The following ANXA3 variants were observed in gnomAD, a reference collection of about 807,000 sequenced individuals.
ANXA3 encodes the protein 35-alpha calcimedin.
In ANXA3, 46 loss-of-function variants were observed where a neutral mutation model predicts 48.8. That is an observed-to-expected ratio of 0.94 (90% CI 0.74 to 1.21). ANXA3 has a LOEUF of 1.21. ANXA3 is among the 50% of genes most tolerant of loss of function. ANXA3 has a pLI of 0.00. For synonymous variants in ANXA3, 128 were observed against 134.7 expected (o/e 0.95, Z 0.35); for missense variants, 383 against 378.6 (o/e 1.01, Z -0.10).
chr4:78,570,091 C>T (rs892180095), intron 2 of ANXA3, among the ~76,000 whole-genome samples: 1 of 152,150 alleles, frequency 6.6e-6, no homozygotes, highest in Non-Finnish European at 1.5e-5. Flanking sequence ...TAATGCCATT[C>T]GTTTAAATAA....
At chr4:78,608,434 A>G (rs1408964610) in intron 12 of ANXA3, among the ~76,000 whole-genome samples, 1 of 152,144 alleles carries the variant, frequency 6.6e-6, no homozygotes, top group Non-Finnish European at 1.5e-5. Flanking sequence ...CTTTTTGGCA[A>G]TGTTTAAGGA....
chr4:78,582,141 T>G (rs762492040), intron 4 of ANXA3, 36 bp from the exon 5 acceptor site: 8 of 1,403,014 alleles, frequency 5.7e-6, no homozygotes, highest in Non-Finnish European at 8.0e-6. Flanking sequence ...AGAAAAAAAG[T>G]ATTTCACATT....
At chr4:78,607,434 G>A (rs1034815888) in intron 12 of ANXA3, among the ~76,000 whole-genome samples, 2 of 152,062 alleles carry the variant, frequency 1.3e-5, no homozygotes, top group Non-Finnish European at 2.9e-5. Flanking sequence ...TTTCTCAGGG[G>A]GTAACCGGTG....
chr4:78,577,202 A>T (rs189503133), intron 3 of ANXA3, among the ~76,000 whole-genome samples: 11 of 152,288 alleles, frequency 7.2e-5, no homozygotes, highest in Non-Finnish European at 1.6e-4. Flanking sequence ...TCCAGGTAAA[A>T]TATGATAAGG....
At chr4:78,598,179 CCACACACACACA>C (rs57634883) in intron 10 of ANXA3, among the ~76,000 whole-genome samples, 3 of 144,764 alleles carry the variant, frequency 2.1e-5, no homozygotes, top group East Asian at 4.1e-4. Flanking sequence ...ATTAAAAAAA[CCACACACACACA>C]CACACACACA....
intron 2 of ANXA3, among the ~76,000 whole-genome samples, chr4:78,563,177 A>G (rs1232626730): frequency 6.6e-6 from 1 of 152,212 alleles, no homozygotes; most frequent in Non-Finnish European, 1.5e-5. Context: ...TAAATAACCC[A>G]TAAAATAATG....
chr4:78,571,197 G>A (rs1164426189), intron 2 of ANXA3: 1 of 152,070 alleles, frequency 6.6e-6, no homozygotes, highest in African/African-American at 2.4e-5. Context: ...ATTTTGTAGA[G>A]ACAGGGTCTT....
chr4:78,590,366 A>T (rs1391795021), intron 6 of ANXA3, among the ~76,000 whole-genome samples: 2 of 152,362 alleles, frequency 1.3e-5, no homozygotes, highest in East Asian at 3.9e-4. Context: ...AAAGAGACTT[A>T]CTAAAATCAT....
chr4:78,578,230 G>A (rs538906989), intron 3 of ANXA3, among the ~76,000 whole-genome samples: 106 of 150,712 alleles, frequency 7.0e-4, no homozygotes, highest in African/African-American at 2.4e-3. Context: ...GCAGTGAGCC[G>A]AGATCGTGCC....
intron 2 of ANXA3, among the ~76,000 whole-genome samples, chr4:78,558,518 G>A (rs564568542): frequency 6.6e-6 from 1 of 152,292 alleles, no homozygotes; most frequent in South Asian, 2.1e-4. Context: ...ACGTGATTAT[G>A]TGTATGATTA....
chr4:78,603,590 CTGTT>C (rs1433063331), intron 11 of ANXA3: 3 of 152,200 alleles, frequency 2.0e-5, no homozygotes, highest in African/African-American at 7.2e-5. Context: ...ACCTTGCAAT[CTGTT>C]TCTCATGCTG....
chr4:78,584,499 G>T (rs1299091932), intron 5 of ANXA3, among the ~76,000 whole-genome samples: 2 of 152,062 alleles, frequency 1.3e-5, no homozygotes, highest in Non-Finnish European at 2.9e-5. Flanking sequence ...AAATCCATTT[G>T]TTTATTATCT....
chr4:78,601,447 C>T (rs993377036), intron 10 of ANXA3, 63 bp from the exon 11 acceptor site: 3 of 1,458,524 alleles, frequency 2.1e-6, no homozygotes, highest in African/African-American at 2.8e-5. Context: ...AAACATATTA[C>T]TTACTATAGA....
Position 78,554,466 on chromosome 4 carries a change from G to A in ANXA3, c.-8G>A. 1 of 1,612,464 alleles carries A rather than the reference G, an allele frequency of 6.2e-7. No homozygotes were observed. The highest frequency in any genetic ancestry group is 1.3e-5 in the African/African-American group (1 of 74,976). On this transcript the variant is annotated 5_prime_UTR_variant, in exon 2 of 13. Transcript: ENST00000264908. ...TGTGATCTCAGCTCAAGGCAAAGGTGGGATATCATGGCATCTATCTGGGTA... is the reference window on the plus strand; with the variant it reads ...TGTGATCTCAGCTCAAGGCAAAGGTAGGATATCATGGCATCTATCTGGGTA...
chr4:78,572,154 A>G (rs534514188), intron 2 of ANXA3, among the ~76,000 whole-genome samples: 29 of 152,380 alleles, frequency 1.9e-4, no homozygotes, highest in African/African-American at 7.0e-4. Context: ...TCTCCTGCAA[A>G]TGCTACTTTA....
Position 78,595,821 on chromosome 4 carries a change from TG to T in ANXA3, c.572del (p.Gly191AlafsTer13). Reference sequence around the variant, plus strand: ...TCTCTATAAAGCTGGTGAGAACAGATGGGGCACGGATGAAGACAAATTCACT... The same window carrying T: ...TCTCTATAAAGCTGGTGAGAACAGATGGGCACGGATGAAGACAAATTCACT... ...QILYKAGENR[W>X]GTDEDKFTEI... is the part of the protein sequence containing the mutation. On this transcript the variant is annotated frameshift_variant, in exon 9 of 13. Coordinates refer to ENST00000264908, the MANE Select transcript of ANXA3 (RefSeq NM_005139.3). LOFTEE classifies it high-confidence loss of function. 6.2e-7 allele frequency: 1 copy of T among 1,611,746 alleles called. No homozygotes were observed. Among genetic ancestry groups the T allele is most frequent in the Non-Finnish European group, 8.5e-7 (1 of 1,177,904 alleles).
chr4:78,590,550 C>A (rs1473389478), intron 6 of ANXA3, among the ~76,000 whole-genome samples: 1 of 152,072 alleles, frequency 6.6e-6, no homozygotes. Flanking sequence ...GTGTCACCTA[C>A]AACAAAGGGT....
intron 5 of ANXA3, among the ~76,000 whole-genome samples, chr4:78,585,548 A>G (rs756162894): frequency 2.6e-5 from 4 of 152,258 alleles, no homozygotes; most frequent in Non-Finnish European, 4.4e-5. Context: ...GCTGAGAAAC[A>G]TAGCCTTTAT....
At chr4:78,596,546 T>C (rs896154863) in intron 9 of ANXA3, among the ~76,000 whole-genome samples, 5 of 152,220 alleles carry the variant, frequency 3.3e-5, no homozygotes, top group African/African-American at 1.2e-4. Context: ...TTATGCTGAG[T>C]TGACGGAACA....
Sources: gnomAD v4.1 joint callset for allele counts (sites outside exome capture counted in the v4.1 genomes callset) on GRCh38, gnomAD v4.1.1 for gene constraint, MANE v1.5 for transcripts, NCBI Gene and HGNC (gene_info 2026-07-23, HGNC 2026-07-21) for gene names.